SLCO1B3: variants seen among roughly 807,000 people sequenced by gnomAD.
SLCO1B3 encodes liver-specific organic anion transporter 2.
Under a neutral mutation model 71.8 loss-of-function variants are expected in SLCO1B3, and 72 were observed. The observed-to-expected ratio is 1.00, with a 90% CI of 0.83 to 1.22. The LOEUF (loss-of-function observed/expected upper bound fraction) is 1.22. SLCO1B3 is among the 50% of genes most tolerant of loss of function. The probability of loss-of-function intolerance (pLI) is 0.00; values close to 1 mark genes in which losing one functional copy is unlikely to be tolerated. For missense variants in SLCO1B3, 911 were observed against 819.7 expected (o/e 1.11, Z -1.36); for synonymous variants, 298 against 278.4 (o/e 1.07, Z -0.70).
chr12:20,887,398 T>TC (rs1865811007), intron 13 of SLCO1B3, among the ~76,000 whole-genome samples: 1 of 152,054 alleles, frequency 6.6e-6, no homozygotes, highest in South Asian at 2.1e-4. Context: ...TTTGACCTTG[T>TC]AATAATAGCT....
chr12:20,916,136 G>C lies in SLCO1B3; in HGVS notation c.1998G>C (p.Met666Ile). The stretch of plus-strand genomic sequence containing the variant: ...CATCGGACAATGAAAGAAAAGTAAT[G>C]GATGAAGCAAACTTAGAATTCTTAA... ...TKASDNERKV[M>I]DEANLEFLNN... The change falls in exon 16 of 16, where the codon ATG becomes ATC. Residue 666 changes from methionine (M) to isoleucine (I), a missense_variant. Physicochemically the swap from Met to Ile is conservative, Grantham distance 10 (BLOSUM62 1). Transcript: ENST00000381545. 6.2e-7 allele frequency: 1 copy of C among 1,613,472 alleles called. No homozygotes were observed. Among genetic ancestry groups the C allele is most frequent in the East Asian group, 2.2e-5 (1 of 44,734 alleles).
At chr12:20,826,071 C>T (rs1273578790) in intron 3 of SLCO1B3, among the ~76,000 whole-genome samples, 1 of 152,064 alleles carries the variant, frequency 6.6e-6, no homozygotes, top group Non-Finnish European at 1.5e-5. Context: ...AAATAACATG[C>T]AATCAAAACT....
At chr12:20,812,176 G>A (rs1864120679) in intron 1 of SLCO1B3, among the ~76,000 whole-genome samples, 1 of 151,944 alleles carries the variant, frequency 6.6e-6, no homozygotes, top group Non-Finnish European at 1.5e-5. Flanking sequence ...CAAAGTGCTG[G>A]GATTACAGGC....
chr12:20,871,302 A>T (rs1273988286), intron 8 of SLCO1B3, among the ~76,000 whole-genome samples: 1 of 152,002 alleles, frequency 6.6e-6, no homozygotes, highest in African/African-American at 2.4e-5. Flanking sequence ...TAGTTTCTGA[A>T]TTCCTTCTCT....
chr12:20,911,886 T>G (rs1014563263), intron 15 of SLCO1B3, among the ~76,000 whole-genome samples: 2 of 152,188 alleles, frequency 1.3e-5, no homozygotes, highest in African/African-American at 4.8e-5. Flanking sequence ...AAACAGCTTT[T>G]GTTTTTGTTG....
chr12:20,876,562 G>C (rs1008257618), intron 9 of SLCO1B3, among the ~76,000 whole-genome samples: 31 of 152,064 alleles, frequency 2.0e-4, no homozygotes, highest in Non-Finnish European at 1.0e-4. Context: ...CTGGAGCCTT[G>C]TGTATTCACT....
chr12:20,894,007 A>C (rs1865953511), intron 13 of SLCO1B3, among the ~76,000 whole-genome samples: 1 of 152,220 alleles, frequency 6.6e-6, no homozygotes, highest in Non-Finnish European at 1.5e-5. Flanking sequence ...TTTTGCAAAC[A>C]GGAAAACAAG....
intron 6 of SLCO1B3, among the ~76,000 whole-genome samples, chr12:20,861,410 G>A (rs189658608): frequency 2.6e-5 from 4 of 152,218 alleles, no homozygotes; most frequent in African/African-American, 9.6e-5. Context: ...TTCTATAGGC[G>A]GTTTCCACAG....
chr12:20,865,090 C>T (rs924184631), intron 8 of SLCO1B3, among the ~76,000 whole-genome samples: 11 of 152,028 alleles, frequency 7.2e-5, no homozygotes, highest in African/African-American at 2.7e-4. Context: ...TGTGTGTGAG[C>T]CACGGGAAGC....
At chr12:20,883,692 T>G in intron 13 of SLCO1B3, 90 bp downstream of exon 13, 1 of 812,966 alleles carries the variant, frequency 1.2e-6, no homozygotes, top group Non-Finnish European at 1.9e-6. Context: ...GAGCTCAAAT[T>G]CATATTTTGT....
chr12:20,916,841 T>TA lies in SLCO1B3; in HGVS notation c.*595dup, dbSNP rs1866510768. Reference sequence around the variant, plus strand: ...GTAATTGTGAGACAACTTATTATAATACGTGTTAAGTTTCTACTGGACCCA... The same window carrying TA: ...GTAATTGTGAGACAACTTATTATAATAACGTGTTAAGTTTCTACTGGACCCA... On this transcript the variant is annotated 3_prime_UTR_variant, in exon 16 of 16. Transcript: ENST00000381545. The TA allele has an allele frequency of 6.6e-6, 1 of 152,134 alleles. No individual in the cohort carries two copies. Among genetic ancestry groups the TA allele is most frequent in the South Asian group, 2.1e-4 (1 of 4,826 alleles). 9.4% of individuals were successfully genotyped at this position (152,134 alleles called of 1,614,324 possible). A position where few individuals can be genotyped will look rare whatever the true frequency, so the allele number is the denominator to read the frequency against.
chr12:20,913,742 T>C (rs1866434845), intron 15 of SLCO1B3, among the ~76,000 whole-genome samples: 1 of 152,158 alleles, frequency 6.6e-6, no homozygotes, highest in Admixed American at 6.6e-5. Flanking sequence ...TTGGTTTTAA[T>C]CCTCTAACAA....
intron 3 of SLCO1B3, among the ~76,000 whole-genome samples, chr12:20,820,294 G>A (rs1327299761): frequency 1.3e-5 from 2 of 152,192 alleles, no homozygotes; most frequent in East Asian, 3.9e-4. Context: ...ACGCCAAGAA[G>A]GAGTCAGTCA....
intron 3 of SLCO1B3, among the ~76,000 whole-genome samples, chr12:20,818,736 G>T (rs752816167): frequency 6.6e-6 from 1 of 152,172 alleles, no homozygotes; most frequent in South Asian, 2.1e-4. Flanking sequence ...CTGGTGTGTG[G>T]TGATTAGGCC....
intron 15 of SLCO1B3, among the ~76,000 whole-genome samples, chr12:20,902,731 T>G (rs938643178): frequency 1.3e-5 from 2 of 152,116 alleles, no homozygotes; most frequent in Non-Finnish European, 2.9e-5. Context: ...AATTCAGAGA[T>G]AGACACAACC....
chr12:20,888,103 G>A (rs1226146766), intron 13 of SLCO1B3, among the ~76,000 whole-genome samples: 1 of 151,774 alleles, frequency 6.6e-6, no homozygotes, highest in African/African-American at 2.4e-5. Flanking sequence ...TTTTATACTA[G>A]TACCCTTTTA....
At chr12:20,869,865 C>G (rs73069265) in intron 8 of SLCO1B3, among the ~76,000 whole-genome samples, 1 of 152,046 alleles carries the variant, frequency 6.6e-6, no homozygotes, top group Non-Finnish European at 1.5e-5. Flanking sequence ...TGAGATTGCT[C>G]CATCATATGG....
chr12:20,833,001 T>C (rs570167812), intron 3 of SLCO1B3, among the ~76,000 whole-genome samples: 1 of 152,310 alleles, frequency 6.6e-6, no homozygotes, highest in East Asian at 1.9e-4. Context: ...GTCAGTGAAC[T>C]AAACTCAGGG....
At chr12:20,820,599 T>A (rs965865706) in intron 3 of SLCO1B3, among the ~76,000 whole-genome samples, 3 of 152,174 alleles carry the variant, frequency 2.0e-5, no homozygotes, top group Admixed American at 6.6e-5. Context: ...TTTGTTTTAT[T>A]ACTGTACACC....
Sources: gnomAD v4.1 joint callset for allele counts (sites outside exome capture counted in the v4.1 genomes callset) on GRCh38, gnomAD v4.1.1 for gene constraint, MANE v1.5 for transcripts, NCBI Gene and HGNC (gene_info 2026-07-23, HGNC 2026-07-21) for gene names.